AP4S1: variants seen among roughly 807,000 people sequenced by gnomAD.
AP4S1 encodes the protein AP-4 complex subunit sigma-1.
A neutral mutation model predicts 19.8 loss-of-function variants in AP4S1; 23 were observed. The observed-to-expected ratio is 1.16, with a 90% CI of 0.84 to 1.65. The LOEUF is 1.65. AP4S1 is among the 40% of genes most tolerant of loss of function. AP4S1 has a pLI of 0.00. For missense variants in AP4S1, 166 were observed against 172.8 expected, an observed-to-expected ratio of 0.96 and a Z score of 0.22; for synonymous variants, 46 against 54.1, an observed-to-expected ratio of 0.85 and a Z score of 0.66.
Position 31,084,758 on chromosome 14 carries a change from G to GC in AP4S1, c.306+4174_306+4175insC, listed in dbSNP as rs1555334924. On this transcript the variant is annotated intron_variant, in intron 5 of 5. Coordinates refer to ENST00000542754, the MANE Select transcript of AP4S1 (RefSeq NM_001128126.3). ...GACTTCAAATTTTATGAATTAAGGT[G>GC]TTTTTTTTAGGAACCAATTGATGAA... The GC allele has an allele frequency of 1.2e-5, 19 of 1,613,336 alleles. 1 individual carries two copies. The South Asian group carries it at 2.1e-4, about 18-fold the overall frequency.
At chr14:31,083,577 T>G (rs1038372250) in intron 5 of AP4S1, 2 of 434,700 alleles carry the variant, frequency 4.6e-6, no homozygotes, top group African/African-American at 4.5e-5. Context: ...CGATCATGGC[T>G]CACTACACCC....
chr14:31,048,093 AT>A (rs1160411626), intron 1 of AP4S1, among the ~76,000 whole-genome samples: 272 of 136,432 alleles, frequency 2.0e-3, no homozygotes, highest in African/African-American at 2.6e-3. Flanking sequence ...TATTTCTTTA[AT>A]TTTTTTTTTT....
chr14:31,060,001 G>GTATTTATGTATATATGTATATA (rs1255328253), intron 1 of AP4S1, among the ~76,000 whole-genome samples: 12 of 84,098 alleles, frequency 1.4e-4, no homozygotes, highest in South Asian at 3.7e-4. Flanking sequence ...ATATTTATAT[G>GTATTTATGTATATATGTATATA]TATTTATGTA....
At chr14:31,077,632 C>G (rs1159164567) in intron 4 of AP4S1, among the ~76,000 whole-genome samples, 1 of 147,558 alleles carries the variant, frequency 6.8e-6, no homozygotes, top group Non-Finnish European at 1.5e-5. Context: ...AAGATGACTT[C>G]CAGGTGATTC....
At chr14:31,055,290 G>C (rs1886044682) in intron 1 of AP4S1, among the ~76,000 whole-genome samples, 1 of 152,064 alleles carries the variant, frequency 6.6e-6, no homozygotes, top group South Asian at 2.1e-4. Context: ...AGGATTATCA[G>C]CTCTTTGTAG....
chr14:31,085,968 C>A, intron 5 of AP4S1: 1 of 346,160 alleles, frequency 2.9e-6, no homozygotes, highest in Non-Finnish European at 4.1e-6. Flanking sequence ...CTCTCTGTGA[C>A]TCCGCCAGCA....
intron 2 of AP4S1, among the ~76,000 whole-genome samples, chr14:31,067,663 C>G (rs1448075092): frequency 6.6e-6 from 1 of 151,712 alleles, no homozygotes; most frequent in Non-Finnish European, 1.5e-5. Flanking sequence ...GGATTACAGG[C>G]TCGTGCCACC....
chr14:31,041,092 T>G (rs964469559), intron 1 of AP4S1, among the ~76,000 whole-genome samples: 5 of 146,014 alleles, frequency 3.4e-5, no homozygotes, highest in African/African-American at 1.0e-4. Flanking sequence ...AAAAAAAAAG[T>G]ACGCAAATTA....
chr14:31,045,959 G>C (rs1885375155), intron 1 of AP4S1, among the ~76,000 whole-genome samples: 1 of 138,844 alleles, frequency 7.2e-6, no homozygotes, highest in Non-Finnish European at 1.5e-5. Flanking sequence ...GAAAGAAGGA[G>C]CTAGATTTTT....
chr14:31,088,236 T>G (rs1426817896), intron 5 of AP4S1, among the ~76,000 whole-genome samples: 2 of 152,200 alleles, frequency 1.3e-5, no homozygotes, highest in Non-Finnish European at 2.9e-5. Flanking sequence ...AGGTGCCATA[T>G]TCATCCGCCA....
At chr14:31,034,511 G>A (rs189901350) in intron 1 of AP4S1, among the ~76,000 whole-genome samples, 140 of 151,478 alleles carry the variant, frequency 9.2e-4, no homozygotes, top group African/African-American at 3.1e-3. Flanking sequence ...GGCTGGTCTC[G>A]AACTCCTGGC....
chr14:31,083,496 C>CTTTTTTTGTTTTTTTTTTTTTTTTTTT, intron 5 of AP4S1: 1 of 254,120 alleles, frequency 3.9e-6, no homozygotes, highest in East Asian at 1.1e-4. Context: ...TGTTGACACT[C>CTTTTTTTGTTTTTTTTTTTTTTTTTTT]TTTTTTTTTT....
intron 2 of AP4S1, 44 bp from the exon 3 acceptor site, chr14:31,069,799 C>T: frequency 6.9e-7 from 1 of 1,442,820 alleles, no homozygotes; most frequent in Non-Finnish European, 9.8e-7. Flanking sequence ...TTAAAGAACT[C>T]TCTCTCAGCC....
At chr14:31,039,212 G>T (rs146066444) in intron 1 of AP4S1, among the ~76,000 whole-genome samples, 36 of 151,864 alleles carry the variant, frequency 2.4e-4, no homozygotes, top group Admixed American at 6.6e-4. Context: ...TTGAGATGGA[G>T]TCTCGCTCTG....
chr14:31,045,384 A>T (rs140217923), intron 1 of AP4S1, among the ~76,000 whole-genome samples: 1 of 152,270 alleles, frequency 6.6e-6, no homozygotes, highest in East Asian at 1.9e-4. Flanking sequence ...GAAGTAATTG[A>T]ATCATGGGGG....
intron 1 of AP4S1, among the ~76,000 whole-genome samples, chr14:31,060,970 A>G (rs939354795): frequency 2.0e-5 from 3 of 151,588 alleles, no homozygotes; most frequent in Admixed American, 6.6e-5. Context: ...GTGCACTTCA[A>G]CCTCCGCCTC....
chr14:31,042,587 C>G (rs1885171304), intron 1 of AP4S1, among the ~76,000 whole-genome samples: 1 of 152,154 alleles, frequency 6.6e-6, no homozygotes, highest in Admixed American at 6.6e-5. Context: ...TTCAATCAAT[C>G]AATGTAATGG....
chr14:31,032,071 CAAAA>C (rs71905676), intron 1 of AP4S1, among the ~76,000 whole-genome samples: 3 of 110,626 alleles, frequency 2.7e-5, no homozygotes, highest in South Asian at 2.4e-4. Flanking sequence ...GACCTTGTCC[CAAAA>C]AAAAAAAAAA....
intron 4 of AP4S1, among the ~76,000 whole-genome samples, chr14:31,075,690 T>A (rs1232269488): frequency 1.3e-5 from 2 of 152,166 alleles, no homozygotes; most frequent in Non-Finnish European, 2.9e-5. Context: ...TATCAGTACT[T>A]CTTTCCTTTT....
Sources: allele counts gnomAD v4.1 joint callset (sites outside exome capture counted in the v4.1 genomes callset), GRCh38; gene constraint gnomAD v4.1.1; transcripts MANE v1.5; gene names NCBI Gene and HGNC (gene_info 2026-07-23, HGNC 2026-07-21).